The following IPO7 variants were observed in gnomAD, a reference collection of about 807,000 sequenced individuals.
The protein encoded by IPO7 is importin 7.
Under a neutral mutation model 136.4 loss-of-function variants are expected in IPO7, and 13 were observed. The observed-to-expected ratio is 0.10, with a 90% confidence interval of 0.06 to 0.15. IPO7 has a LOEUF of 0.15. Among genes scored for constraint, IPO7 ranks in the 10% least tolerant of loss-of-function variants. The pLI, the probability that IPO7 is intolerant of heterozygous loss-of-function variation, is 1.00. For missense variants in IPO7, 857 were observed against 1,240.6 expected (o/e 0.69, Z 4.65); for synonymous variants, 403 against 404.4 (o/e 1.00, Z 0.04).
At chr11:9,394,318 G>A (rs182835832) in intron 1 of IPO7, among the ~76,000 whole-genome samples, 3 of 152,270 alleles carry the variant, frequency 2.0e-5, no homozygotes, top group East Asian at 3.9e-4. Flanking sequence ...TGGGAAATTC[G>A]TTGATGTGAG....
At chr11:9,431,478 TG>T (rs1172360025) in intron 16 of IPO7, among the ~76,000 whole-genome samples, 7 of 151,616 alleles carry the variant, frequency 4.6e-5, no homozygotes, top group Non-Finnish European at 1.0e-4. Context: ...TTTTTTTTTT[TG>T]AGATGGAGTC....
chr11:9,434,980 A>C lies in IPO7; in HGVS notation c.2121A>C (p.Thr707=). Reference sequence around the variant, plus strand: ...ATTATGTAACAGTTGATACAGACACACTTCTGTCTGACACCAAGTATCTTG... The same window carrying C: ...ATTATGTAACAGTTGATACAGACACCCTTCTGTCTGACACCAAGTATCTTG... ...LHNYVTVDTD[T]LLSDTKYLEM... Residue 707 remains threonine, a synonymous_variant, in exon 19 of 25, where the codon ACA becomes ACC. Transcript: ENST00000379719. The C allele has an allele frequency of 6.2e-7, 1 of 1,609,254 alleles. No individual in the cohort carries two copies. The highest frequency in any genetic ancestry group is 8.5e-7 in the Non-Finnish European group (1 of 1,175,836).
intron 4 of IPO7, among the ~76,000 whole-genome samples, chr11:9,412,166 T>TCC (rs1430587632): frequency 1.3e-5 from 2 of 152,210 alleles, no homozygotes; most frequent in Non-Finnish European, 2.9e-5. Flanking sequence ...AAATAATTTG[T>TCC]CAGTAGATAG....
chr11:9,396,209 A>G (rs1429251939), intron 1 of IPO7, among the ~76,000 whole-genome samples: 1 of 151,972 alleles, frequency 6.6e-6, no homozygotes, highest in Non-Finnish European at 1.5e-5. Context: ...CAGCCTGGCC[A>G]GCATGGTGAA....
chr11:9,409,665 A>G (rs1854941216), intron 3 of IPO7, among the ~76,000 whole-genome samples: 1 of 152,236 alleles, frequency 6.6e-6, no homozygotes, highest in African/African-American at 2.4e-5. Context: ...GGTGTGAGCC[A>G]CCGCACCCAG....
chr11:9,389,869 G>A (rs543281584), intron 1 of IPO7, among the ~76,000 whole-genome samples: 2 of 151,680 alleles, frequency 1.3e-5, no homozygotes, highest in South Asian at 4.2e-4. Flanking sequence ...AGGCAATTCT[G>A]CCTCAGCCTC....
chr11:9,419,875 C>G (rs1855102507), intron 6 of IPO7, among the ~76,000 whole-genome samples: 1 of 152,074 alleles, frequency 6.6e-6, no homozygotes. Context: ...GTGGCCTTGA[C>G]TATACTATTT....
chr11:9,422,900 G>C, intron 8 of IPO7, 106 bp from the exon 9 acceptor site: 1 of 587,390 alleles, frequency 1.7e-6, no homozygotes, highest in South Asian at 4.1e-5. Context: ...TGTTTTTCTT[G>C]ATGATGAGCT....
chr11:9,417,672 T>C (rs981382418), intron 6 of IPO7, among the ~76,000 whole-genome samples: 68 of 151,802 alleles, frequency 4.5e-4, no homozygotes, highest in African/African-American at 1.6e-3. Context: ...TCAAACTTTT[T>C]AAAATTATTA....
At chr11:9,414,012 G>A (rs935665327) in intron 4 of IPO7, among the ~76,000 whole-genome samples, 1 of 151,822 alleles carries the variant, frequency 6.6e-6, no homozygotes, top group African/African-American at 2.4e-5. Context: ...CAAAAGTGAG[G>A]ATACTCATGT....
chr11:9,414,816 G>A (rs1429234435), intron 5 of IPO7, among the ~76,000 whole-genome samples: 2 of 151,318 alleles, frequency 1.3e-5, no homozygotes, highest in African/African-American at 4.9e-5. Context: ...AATGGAGACA[G>A]GGTTTCACCA....
In IPO7 at chr11:9,417,077, C is replaced by A; in HGVS notation, c.655C>A (p.Leu219Met). The A allele has an allele frequency of 1.3e-6, 2 of 1,534,720 alleles. No homozygotes were observed. The highest frequency in any genetic ancestry group is 1.8e-6 in the Non-Finnish European group (2 of 1,110,002). Reference protein sequence around the residue: ...ALVQYTLPLELINQQNLTEWI... With the variant: ...ALVQYTLPLEMINQQNLTEWI... The stretch of plus-strand genomic sequence containing the variant: ...TATTTAGTATACACTACCACTGGAA[C>A]TGATAAACCAACAGAACCTGACAGA... Residue 219 changes from leucine to methionine, a missense_variant, in exon 6 of 25, where the codon CTG (leucine) becomes ATG (methionine). Leu to Met is a conservative substitution (Grantham distance 15). Coordinates refer to ENST00000379719, the MANE Select transcript of IPO7 (RefSeq NM_006391.3).
chr11:9,403,617 G>T (rs1014896418), intron 2 of IPO7: 1 of 420,212 alleles, frequency 2.4e-6, no homozygotes, highest in South Asian at 3.6e-5. Flanking sequence ...TTATTAAAAG[G>T]TTCTATGTAT....
Position 9,396,817 on chromosome 11 carries a change from A to T in IPO7, c.85-6473A>T, listed in dbSNP as rs1854715675. On this transcript the variant is annotated intron_variant, in intron 1 of 24. Coordinates refer to ENST00000379719, the MANE Select transcript of IPO7 (RefSeq NM_006391.3). ...TATCGATAAGACACATTTTACTTTC[A>T]TTAGTTGATGGGCATACAGGTTGTT... Among the ~76,000 whole-genome samples, 3 of 152,154 alleles carry T rather than the reference A, an allele frequency of 2.0e-5. No individual in the cohort carries two copies. The South Asian group carries it at 6.2e-4, about 31-fold the overall frequency.
chr11:9,385,304 C>T (rs899923106), intron 1 of IPO7, among the ~76,000 whole-genome samples: 1 of 152,202 alleles, frequency 6.6e-6, no homozygotes, highest in South Asian at 2.1e-4. Context: ...GGGGCTGCGC[C>T]TGTCATCCTT....
At position 9,409,791 on chromosome 11, in the gene IPO7, A is replaced by G. The variant is rs140703485; in HGVS notation, c.321-137A>G. On this transcript the variant is annotated intron_variant, in intron 3 of 24. Coordinates refer to ENST00000379719, the MANE Select transcript of IPO7 (RefSeq NM_006391.3). Reference sequence around the variant, plus strand: ...TGCTCAGTGACTTATTCTGAATCATATATATTCTGTGTACATCTAAAATCA... The same window carrying G: ...TGCTCAGTGACTTATTCTGAATCATGTATATTCTGTGTACATCTAAAATCA... The G allele has an allele frequency of 2.5e-3, 1,355 of 550,998 alleles. 12 individuals carry two copies. Among genetic ancestry groups the G allele is most frequent in the African/African-American group, 0.024 (1,239 of 51,026 alleles). 34.1% of individuals were successfully genotyped at this position (550,998 alleles called of 1,614,324 possible). A position where few individuals can be genotyped will look rare whatever the true frequency, so the allele number is the denominator to read the frequency against.
chr11:9,410,145 T>A, intron 4 of IPO7, 59 bp downstream of exon 4: 1 of 1,213,124 alleles, frequency 8.2e-7, no homozygotes. Flanking sequence ...TGGGAAAATT[T>A]AAGCCAATTT....
chr11:9,422,557 C>T (rs751904856), intron 8 of IPO7, among the ~76,000 whole-genome samples: 3 of 152,156 alleles, frequency 2.0e-5, no homozygotes, highest in Non-Finnish European at 4.4e-5. Flanking sequence ...GAACTATTGA[C>T]AGATGCTAAA....
chr11:9,399,182 T>G (rs1259882832), intron 1 of IPO7, among the ~76,000 whole-genome samples: 2 of 151,402 alleles, frequency 1.3e-5, no homozygotes, highest in African/African-American at 2.4e-5. Flanking sequence ...TTTTTTTTTT[T>G]GACAGAGTTT....
Sources: allele counts gnomAD v4.1 joint callset (sites outside exome capture counted in the v4.1 genomes callset), GRCh38; gene constraint gnomAD v4.1.1; transcripts MANE v1.5; gene names NCBI Gene and HGNC (gene_info 2026-07-23, HGNC 2026-07-21).